ORC5: variants seen among roughly 807,000 people sequenced by gnomAD.
The protein encoded by ORC5 is origin recognition complex subunit 5.
In ORC5, 39 loss-of-function variants were observed where a neutral mutation model predicts 58.8. That is an observed-to-expected ratio of 0.66 (90% CI 0.51 to 0.87). The LOEUF is 0.87. ORC5 is among the 40% of genes least tolerant of loss of function. ORC5 has a pLI of 0.00. For synonymous variants in ORC5, 218 were observed against 177.6 expected, an observed-to-expected ratio of 1.23 and a Z score of -1.81; for missense variants, 493 against 506.3, an observed-to-expected ratio of 0.97 and a Z score of 0.25.
chr7:104,180,060 T>A (rs1469983399), intron 8 of ORC5, among the ~76,000 whole-genome samples: 1 of 152,212 alleles, frequency 6.6e-6, no homozygotes, highest in East Asian at 1.9e-4. Context: ...TCTGAATTAT[T>A]CCATGTAACC....
chr7:104,181,629 C>T (rs376810968), intron 8 of ORC5, among the ~76,000 whole-genome samples: 10 of 150,336 alleles, frequency 6.7e-5, no homozygotes, highest in South Asian at 6.3e-4. Flanking sequence ...ACTAAAAATA[C>T]GAAAAAAAAA....
At chr7:104,158,836 T>C (rs1487583506) in intron 12 of ORC5, among the ~76,000 whole-genome samples, 7 of 151,862 alleles carry the variant, frequency 4.6e-5, no homozygotes, top group Non-Finnish European at 5.9e-5. Flanking sequence ...CAACAGGTGC[T>C]GGAGAGGATG....
At chr7:104,127,653 T>C (rs1396263764) in intron 13 of ORC5, among the ~76,000 whole-genome samples, 1 of 152,218 alleles carries the variant, frequency 6.6e-6, no homozygotes, top group African/African-American at 2.4e-5. Flanking sequence ...TAATCATCCA[T>C]GTGAGAACAG....
At chr7:104,131,019 T>G (rs1798504853) in intron 13 of ORC5, among the ~76,000 whole-genome samples, 1 of 152,204 alleles carries the variant, frequency 6.6e-6, no homozygotes, top group Non-Finnish European at 1.5e-5. Flanking sequence ...TGTCCCAGTC[T>G]CTAGCACATG....
intron 5 of ORC5, among the ~76,000 whole-genome samples, chr7:104,191,381 AAAC>A (rs1218975624): frequency 8.5e-5 from 13 of 152,078 alleles, no homozygotes; most frequent in Non-Finnish European, 1.5e-4. Context: ...ACATAAAGCA[AAAC>A]AACAACAACA....
chr7:104,166,729 G>T, intron 10 of ORC5, 43 bp downstream of exon 10: 1 of 1,073,732 alleles, frequency 9.3e-7, no homozygotes, highest in South Asian at 1.4e-5. Context: ...AAATATTCCT[G>T]GGATCTTAAA....
intron 4 of ORC5, among the ~76,000 whole-genome samples, chr7:104,196,549 C>T (rs1167987562): frequency 6.6e-6 from 1 of 152,160 alleles, no homozygotes. Flanking sequence ...TAAAAGTAAA[C>T]TTCAGGAGTC....
chr7:104,143,214 TTATAA>T (rs1432526922), intron 12 of ORC5, among the ~76,000 whole-genome samples: 2 of 152,182 alleles, frequency 1.3e-5, no homozygotes, highest in Non-Finnish European at 2.9e-5. Flanking sequence ...TGACATTTCC[TTATAA>T]TATTTCTCAT....
intron 11 of ORC5, among the ~76,000 whole-genome samples, chr7:104,164,784 T>G (rs1033300105): frequency 6.6e-6 from 1 of 152,196 alleles, no homozygotes; most frequent in African/African-American, 2.4e-5. Context: ...TTAGCTAAGT[T>G]TGAGGCTTAG....
intron 12 of ORC5, among the ~76,000 whole-genome samples, chr7:104,155,123 TA>T (rs1798902361): frequency 6.6e-6 from 1 of 151,738 alleles, no homozygotes; most frequent in Non-Finnish European, 1.5e-5. Context: ...TTACAATAAA[TA>T]AAACCTCCGT....
At chr7:104,130,006 GA>G (rs1409672116) in intron 13 of ORC5, among the ~76,000 whole-genome samples, 1 of 150,138 alleles carries the variant, frequency 6.7e-6, no homozygotes, top group Non-Finnish European at 1.5e-5. Flanking sequence ...CTTTCTTTAG[GA>G]TACTATTTTG....
intron 13 of ORC5, among the ~76,000 whole-genome samples, chr7:104,134,888 C>T (rs946729946): frequency 1.3e-5 from 2 of 152,084 alleles, no homozygotes; most frequent in East Asian, 1.9e-4. Context: ...TGGGGAGGAG[C>T]GGGTGCTTAT....
intron 4 of ORC5, among the ~76,000 whole-genome samples, chr7:104,196,667 C>A (rs1396802860): frequency 6.6e-6 from 1 of 152,080 alleles, no homozygotes; most frequent in Non-Finnish European, 1.5e-5. Flanking sequence ...AAGCACTTCT[C>A]CCCAAGTATT....
In ORC5 at chr7:104,130,223, A is replaced by C. The variant is rs542389031; in HGVS notation, c.1263-3330T>G. On this transcript the variant is annotated intron_variant, in intron 13 of 13. Transcript: ENST00000297431. ...AAGAACAAAATTTAGTAAGCTTTTCAGTCATCTGTTATCTGCCTTCTCCCA... is the reference window on the plus strand; with the variant it reads ...AAGAACAAAATTTAGTAAGCTTTTCCGTCATCTGTTATCTGCCTTCTCCCA... 1.1e-4 allele frequency among the ~76,000 whole-genome samples: 16 copies of C among 152,262 alleles called. No homozygotes were observed. The South Asian group carries it at 3.3e-3, about 32-fold the overall frequency.
At chr7:104,150,941 G>C (rs138595950) in intron 12 of ORC5, among the ~76,000 whole-genome samples, 33 of 152,242 alleles carry the variant, frequency 2.2e-4, no homozygotes, top group Non-Finnish European at 2.4e-4. Flanking sequence ...TAAAAGGGAG[G>C]GAGGCAAAGT....
At chr7:104,174,541 G>A (rs1799281942) in intron 8 of ORC5, among the ~76,000 whole-genome samples, 1 of 152,212 alleles carries the variant, frequency 6.6e-6, no homozygotes, top group Non-Finnish European at 1.5e-5. Context: ...AGTCAGGCAT[G>A]AGCAGGACAG....
chr7:104,193,473 T>G (rs569794772), intron 5 of ORC5, among the ~76,000 whole-genome samples: 4 of 152,182 alleles, frequency 2.6e-5, no homozygotes, highest in African/African-American at 9.6e-5. Context: ...ATGAGTAGTC[T>G]GCATGAGGTA....
At chr7:104,191,993 T>C (rs912054614) in intron 5 of ORC5, among the ~76,000 whole-genome samples, 3 of 152,072 alleles carry the variant, frequency 2.0e-5, no homozygotes, top group Admixed American at 2.0e-4. Flanking sequence ...ATCAAACAAA[T>C]GGCAGTAACG....
At chr7:104,178,545 G>A (rs1230019311) in intron 8 of ORC5, among the ~76,000 whole-genome samples, 1 of 152,102 alleles carries the variant, frequency 6.6e-6, no homozygotes, top group African/African-American at 2.4e-5. Context: ...CCTTTGCTGT[G>A]TAGAAGCTCT....
Sources: allele counts gnomAD v4.1 joint callset (sites outside exome capture counted in the v4.1 genomes callset), GRCh38; gene constraint gnomAD v4.1.1; transcripts MANE v1.5; gene names NCBI Gene and HGNC (gene_info 2026-07-23, HGNC 2026-07-21).